UNC13C: variants seen among roughly 807,000 people sequenced by gnomAD.
The protein encoded by UNC13C is protein unc-13 homolog C.
A neutral mutation model predicts 245.4 loss-of-function variants in UNC13C; 174 were observed. The ratio of observed to expected loss-of-function variants is 0.71; its 90% CI spans 0.63 to 0.80. The LOEUF is 0.80. Among genes scored for constraint, UNC13C ranks in the 30% least tolerant of loss-of-function variants. The pLI is 0.00. For missense variants in UNC13C, 2,829 were observed against 2,602.9 expected, an observed-to-expected ratio of 1.09 and a Z score of -1.89; for synonymous variants, 992 against 895.1, an observed-to-expected ratio of 1.11 and a Z score of -1.93.
chr15:54,172,938 A>T (rs2033472677), intron 4 of UNC13C, among the ~76,000 whole-genome samples: 1 of 151,156 alleles, frequency 6.6e-6, no homozygotes, highest in South Asian at 2.1e-4. Flanking sequence ...AATAAGATTT[A>T]CTTTTGCTTA....
intron 1 of UNC13C, among the ~76,000 whole-genome samples, chr15:54,009,251 C>T (rs946429550): frequency 1.3e-4 from 20 of 152,264 alleles, no homozygotes; most frequent in Non-Finnish European, 2.1e-4. Context: ...TGTTCTTCCT[C>T]TTTCATTCTC....
chr15:54,175,508 A>AT (rs55925649), intron 4 of UNC13C, among the ~76,000 whole-genome samples: 16,898 of 105,968 alleles, frequency 0.16, 1,663 homozygotes, highest in Middle Eastern at 0.23. Flanking sequence ...TGGCCCTAGA[A>AT]TTTTTTTTTT....
chr15:54,583,917 C>G (rs987507209), intron 30 of UNC13C, among the ~76,000 whole-genome samples: 1 of 152,206 alleles, frequency 6.6e-6, no homozygotes, highest in Non-Finnish European at 1.5e-5. Context: ...GCCTAAGCCA[C>G]ACCCCCACGG....
intron 2 of UNC13C, among the ~76,000 whole-genome samples, chr15:54,042,876 A>T (rs1373931829): frequency 7.2e-6 from 1 of 138,392 alleles, no homozygotes; most frequent in African/African-American, 2.5e-5. Flanking sequence ...AAAAAGAAAA[A>T]GAAACCACTT....
At position 54,015,445 on chromosome 15, in the gene UNC13C, C is replaced by T. The variant is rs752156842; in HGVS notation, c.2542C>T (p.Leu848Phe). 5 of 1,613,630 alleles carry T rather than the reference C, an allele frequency of 3.1e-6. No homozygotes were observed. The East Asian group carries it at 1.1e-4, about 36-fold the overall frequency. Reference protein sequence around the residue: ...QSTANESSTTLDSDVYTEPYY... With the variant: ...QSTANESSTTFDSDVYTEPYY... ...AACTGCAAATGAGTCAAGTACCACACTTGACTCTGATGTCTACACGGAGCC... is the reference window on the plus strand; with the variant it reads ...AACTGCAAATGAGTCAAGTACCACATTTGACTCTGATGTCTACACGGAGCC... Residue 848 changes from leucine to phenylalanine, a missense_variant, in exon 2 of 33, where the codon CTT (leucine) becomes TTT (phenylalanine). By Grantham distance (22) the Leu-to-Phe change is conservative (BLOSUM62 0). Coordinates refer to ENST00000260323, the MANE Select transcript of UNC13C (RefSeq NM_001080534.3).
In UNC13C at chr15:54,369,263, G is replaced by A. The variant is rs184827750; in HGVS notation, c.4714-23785G>A. Among the ~76,000 whole-genome samples the A allele has an allele frequency of 1.2e-3, 187 of 151,790 alleles. 1 individual carries two copies. Among genetic ancestry groups the A allele is most frequent in the African/African-American group, 4.2e-3 (176 of 41,424 alleles). ...TGCATTTTAATTTCATGTTATTATT[G>A]GTAGTTTTGAGCTGCAGTTATTTGG... On this transcript the variant is annotated intron_variant, in intron 17 of 32. Coordinates refer to ENST00000260323, the MANE Select transcript of UNC13C (RefSeq NM_001080534.3).
chr15:53,976,477 C>CTCTTT (rs1325952003), upstream of UNC13C, among the ~76,000 whole-genome samples: 1 of 63,024 alleles, frequency 1.6e-5, no homozygotes, highest in East Asian at 5.0e-4. Context: ...CTCTCTCTCT[C>CTCTTT]TTTTTTTTTT....
At chr15:53,875,106 AAT>A in the UNC13C span, among the ~76,000 whole-genome samples, 41,041 of 151,798 alleles carry the variant, frequency 0.27, 5,707 homozygotes, top group Middle Eastern at 0.37. Flanking sequence ...TTAAAAAAAA[AAT>A]ATCTTATATG....
intron 4 of UNC13C, among the ~76,000 whole-genome samples, chr15:54,165,965 T>C (rs149180039): frequency 0.014 from 2,122 of 152,174 alleles, 28 homozygotes; most frequent in Non-Finnish European, 0.017. Context: ...TTCTTGCCAT[T>C]TGCATTTGTT....
rs117110596 is a variant in UNC13C, at chr15:54,619,358, A to T, written c.6107-2969A>T. ...AGATTAACTCATTTGCACTCTACGC[A>T]TGTTTCACTCTAGCATTATCCCTTA... On this transcript the variant is annotated intron_variant, in intron 30 of 32. Transcript: ENST00000260323. 2.6e-3 allele frequency among the ~76,000 whole-genome samples: 402 copies of T among 152,264 alleles called. 9 individuals carry two copies. In the East Asian group the frequency reaches 0.036, roughly 14 times the overall value.
At chr15:54,308,052 A>C (rs528220284) in intron 13 of UNC13C, among the ~76,000 whole-genome samples, 3 of 152,012 alleles carry the variant, frequency 2.0e-5, no homozygotes, top group Admixed American at 6.6e-5. Context: ...TAAGAATCAT[A>C]ATCTTCCTTT....
intron 6 of UNC13C, among the ~76,000 whole-genome samples, chr15:54,236,927 T>A (rs1224308269): frequency 1.3e-5 from 2 of 152,146 alleles, no homozygotes; most frequent in Non-Finnish European, 2.9e-5. Flanking sequence ...AGGTTCTGAT[T>A]TCCAACGTTC....
At chr15:54,064,079 T>C (rs935592819) in intron 2 of UNC13C, among the ~76,000 whole-genome samples, 3 of 152,022 alleles carry the variant, frequency 2.0e-5, no homozygotes, top group East Asian at 3.9e-4. Flanking sequence ...ATTTTTCTTC[T>C]TCTTTTTTTT....
At chr15:53,858,620 C>T in the UNC13C span, among the ~76,000 whole-genome samples, 87 of 152,010 alleles carry the variant, frequency 5.7e-4, no homozygotes, top group Non-Finnish European at 5.6e-4. Flanking sequence ...GGGGTTTCAC[C>T]GTGTTGGTCA....
chr15:54,173,603 A>G (rs2033498970), intron 4 of UNC13C, among the ~76,000 whole-genome samples: 1 of 152,028 alleles, frequency 6.6e-6, no homozygotes, highest in Admixed American at 6.6e-5. Flanking sequence ...TAATTTTCAT[A>G]ACATTGTTGC....
At chr15:54,207,832 A>T (rs1030451504) in intron 4 of UNC13C, among the ~76,000 whole-genome samples, 1 of 152,134 alleles carries the variant, frequency 6.6e-6, no homozygotes, top group Non-Finnish European at 1.5e-5. Context: ...TATATGTGTC[A>T]GTTGTGTGAT....
At chr15:54,068,621 T>C (rs1898178951) in intron 2 of UNC13C, among the ~76,000 whole-genome samples, 1 of 152,180 alleles carries the variant, frequency 6.6e-6, no homozygotes, top group Non-Finnish European at 1.5e-5. Flanking sequence ...GGAGAATGTG[T>C]TGATTGTCTT....
intron 26 of UNC13C, among the ~76,000 whole-genome samples, chr15:54,542,969 CT>C (rs2141169559): frequency 6.6e-6 from 1 of 152,162 alleles, no homozygotes; most frequent in Admixed American, 6.6e-5. Context: ...CAGTCTGTGT[CT>C]TTTAATTGGG....
chr15:54,449,792 C>A lies in UNC13C; in HGVS notation c.4933+34725C>A, dbSNP rs974661779. ...TCTCAGCTCATCAGTCATTCTCCGT[C>A]CAGCTTTGTTCCACTGCTGGTGAGG... On this transcript the variant is annotated intron_variant, in intron 19 of 32. Coordinates refer to ENST00000260323, the MANE Select transcript of UNC13C (RefSeq NM_001080534.3). Among the ~76,000 whole-genome samples the A allele has an allele frequency of 5.9e-5, 9 of 152,346 alleles. No individual in the cohort carries two copies. The East Asian group carries it at 1.7e-3, about 29-fold the overall frequency.
Sources: allele counts gnomAD v4.1 joint callset (sites outside exome capture counted in the v4.1 genomes callset), GRCh38; gene constraint gnomAD v4.1.1; transcripts MANE v1.5; gene names NCBI Gene and HGNC (gene_info 2026-07-23, HGNC 2026-07-21).